Variants in DACH1 observed in about 807,000 individuals in gnomAD.
The protein encoded by DACH1 is dachshund homolog 1.
DACH1 carries 12 observed loss-of-function variants against 54.2 expected under a neutral mutation model. The observed-to-expected ratio is 0.22, with a 90% confidence interval of 0.14 to 0.36. The LOEUF (loss-of-function observed/expected upper bound fraction) is 0.36, where lower values mean the gene tolerates loss of function less well. Ranked by LOEUF, DACH1 falls within the 10% of genes least tolerant of loss-of-function variation. The pLI, the probability that DACH1 is intolerant of heterozygous loss-of-function variation, is 1.00. For missense variants in DACH1, 805 were observed against 929.8 expected (o/e 0.87, Z 1.75); for synonymous variants, 386 against 366.2 (o/e 1.05, Z -0.62).
intron 1 of DACH1, among the ~76,000 whole-genome samples, chr13:71,700,083 G>A (rs1292475636): frequency 6.6e-6 from 1 of 152,086 alleles, no homozygotes; most frequent in Non-Finnish European, 1.5e-5. Context: ...AAAAGTGTGT[G>A]TGCGTGCATG....
chr13:71,448,943 A>G (rs1170087161), intron 10 of DACH1, among the ~76,000 whole-genome samples: 1 of 151,616 alleles, frequency 6.6e-6, no homozygotes, highest in East Asian at 1.9e-4. Context: ...TTTTTCCATT[A>G]GCACTGGGTG....
chr13:71,613,460 C>T lies in DACH1; in HGVS notation c.1126+17096G>A, dbSNP rs188067674. On this transcript the variant is annotated intron_variant, in intron 3 of 10. Transcript: ENST00000613252. ...GGAAATCTTATGAATGAATTTATGC[C>T]TCATAATCATCACTGTAGCTGTTGC... Among the ~76,000 whole-genome samples the T allele has an allele frequency of 7.7e-4, 117 of 152,112 alleles. 1 individual carries two copies. The highest frequency in any genetic ancestry group is 2.7e-3 in the African/African-American group (114 of 41,470).
intron 4 of DACH1, 148 bp from the exon 5 acceptor site, chr13:71,560,103 ATGTT>A: frequency 3.1e-6 from 3 of 959,044 alleles, no homozygotes; most frequent in Non-Finnish European, 4.3e-6. Context: ...ACTAAAAGAT[ATGTT>A]TATCTTGAGC....
chr13:71,763,927 A>T (rs776252128), intron 1 of DACH1, among the ~76,000 whole-genome samples: 1 of 152,214 alleles, frequency 6.6e-6, no homozygotes, highest in Non-Finnish European at 1.5e-5. Flanking sequence ...CCATGTTGCA[A>T]AACATTTTAT....
rs561476476 is a variant in DACH1 at position 71,789,622 on chromosome 13, C to A, written c.848+76300G>T. 5.9e-5 allele frequency among the ~76,000 whole-genome samples: 9 copies of A among 152,110 alleles called. No individual in the cohort carries two copies. In the South Asian group the frequency reaches 1.9e-3, roughly 32 times the overall value. ...ATTAACATTAAATCTACTGGGAAGG[C>A]AGCTGTTGCACACTACACGCTAAAG... On this transcript the variant is annotated intron_variant, in intron 1 of 10. Transcript: ENST00000613252.
At chr13:71,701,748 G>A (rs1882146825) in intron 1 of DACH1, among the ~76,000 whole-genome samples, 1 of 152,054 alleles carries the variant, frequency 6.6e-6, no homozygotes, top group South Asian at 2.1e-4. Context: ...ATATGGGTAA[G>A]TAAACAGAAA....
intron 6 of DACH1, among the ~76,000 whole-genome samples, chr13:71,506,364 C>T (rs1213983792): frequency 6.9e-6 from 1 of 145,976 alleles, no homozygotes; most frequent in South Asian, 2.2e-4. Flanking sequence ...TCAATTCCCA[C>T]CTATGAGTGA....
chr13:71,680,861 C>T (rs1042056287), intron 2 of DACH1, among the ~76,000 whole-genome samples: 3 of 151,844 alleles, frequency 2.0e-5, no homozygotes, highest in Admixed American at 1.3e-4. Context: ...TATCAGAGCA[C>T]ACAGAAAGAC....
At chr13:71,779,725 G>T (rs937242370) in intron 1 of DACH1, among the ~76,000 whole-genome samples, 1 of 151,894 alleles carries the variant, frequency 6.6e-6, no homozygotes. Flanking sequence ...TCTATTCCCA[G>T]ATCTCTTCTT....
At chr13:71,799,658 T>G (rs751685295) in intron 1 of DACH1, among the ~76,000 whole-genome samples, 20 of 152,224 alleles carry the variant, frequency 1.3e-4, no homozygotes, top group Middle Eastern at 3.4e-3. Flanking sequence ...ATTTCTATGA[T>G]GGAATTCCCA....
At chr13:71,836,217 G>C (rs565253681) in intron 1 of DACH1, among the ~76,000 whole-genome samples, 1 of 151,950 alleles carries the variant, frequency 6.6e-6, no homozygotes, top group Non-Finnish European at 1.5e-5. Flanking sequence ...TCTCATTAGA[G>C]AGAAAGTCCC....
chr13:71,699,146 A>C (rs1881983814), intron 1 of DACH1, among the ~76,000 whole-genome samples: 1 of 152,200 alleles, frequency 6.6e-6, no homozygotes, highest in African/African-American at 2.4e-5. Context: ...GTCTTTCACA[A>C]ACTAAAATAC....
intron 6 of DACH1, among the ~76,000 whole-genome samples, chr13:71,529,755 T>C (rs185658656): frequency 1.1e-3 from 168 of 152,320 alleles, no homozygotes; most frequent in South Asian, 3.7e-3. Flanking sequence ...ATCAAGATGA[T>C]AAAGTTTCAA....
chr13:71,463,310 G>A (rs552608364), intron 10 of DACH1, among the ~76,000 whole-genome samples: 3 of 152,010 alleles, frequency 2.0e-5, no homozygotes, highest in African/African-American at 7.2e-5. Context: ...AAAACGTCTT[G>A]AGAAAAATGC....
chr13:71,694,516 T>C (rs1881717294), intron 1 of DACH1, among the ~76,000 whole-genome samples: 1 of 152,262 alleles, frequency 6.6e-6, no homozygotes, highest in Admixed American at 6.5e-5. Context: ...TTGAATTTTA[T>C]TTAATTCTTG....
intron 10 of DACH1, among the ~76,000 whole-genome samples, chr13:71,462,284 A>T (rs936135384): frequency 1.3e-5 from 2 of 151,986 alleles, no homozygotes; most frequent in African/African-American, 2.4e-5. Context: ...TAATGCTTCC[A>T]TCTTAAATTT....
At chr13:71,836,964 T>C (rs960592192) in intron 1 of DACH1, among the ~76,000 whole-genome samples, 1 of 151,910 alleles carries the variant, frequency 6.6e-6, no homozygotes, top group African/African-American at 2.4e-5. Context: ...ATAACAAATA[T>C]GCATTGAGTA....
At chr13:71,735,273 CGTAT>C (rs374178893) in intron 1 of DACH1, among the ~76,000 whole-genome samples, 7 of 36,968 alleles carry the variant, frequency 1.9e-4, no homozygotes, top group Admixed American at 7.0e-4. Context: ...ATGGGATACA[CGTAT>C]GTATATGGGA....
At chr13:71,457,013 C>T (rs1875626415) in intron 10 of DACH1, among the ~76,000 whole-genome samples, 1 of 151,988 alleles carries the variant, frequency 6.6e-6, no homozygotes, top group Non-Finnish European at 1.5e-5. Context: ...TTGGTATAAC[C>T]TACACTTTCT....
Sources: allele counts gnomAD v4.1 joint callset (sites outside exome capture counted in the v4.1 genomes callset), GRCh38; gene constraint gnomAD v4.1.1; transcripts MANE v1.5; gene names NCBI Gene and HGNC (gene_info 2026-07-23, HGNC 2026-07-21).